SULT2B1: variants seen among roughly 807,000 people sequenced by gnomAD.
SULT2B1 encodes the protein sulfotransferase 2B1.
In SULT2B1, 16 loss-of-function variants were observed where a neutral mutation model predicts 33.2. The observed-to-expected ratio is 0.48, with a 90% CI of 0.33 to 0.73. The LOEUF (loss-of-function observed/expected upper bound fraction) is 0.73. Ranked by LOEUF, SULT2B1 falls within the 30% of genes least tolerant of loss-of-function variation. The pLI is 0.02. For synonymous variants in SULT2B1, 186 were observed against 200.5 expected, an observed-to-expected ratio of 0.93 and a Z score of 0.61; for missense variants, 500 against 506.0, an observed-to-expected ratio of 0.99 and a Z score of 0.11.
intron 1 of SULT2B1, among the ~76,000 whole-genome samples, chr19:48,556,082 G>A (rs577095083): frequency 6.2e-4 from 94 of 152,264 alleles, no homozygotes; most frequent in African/African-American, 2.1e-3. Flanking sequence ...CGCCACTTTC[G>A]GGACTTTGCG....
intron 3 of SULT2B1, 96 bp downstream of exon 3, chr19:48,587,533 A>T: frequency 7.2e-7 from 1 of 1,393,358 alleles, no homozygotes; most frequent in African/African-American, 1.4e-5. Flanking sequence ...TTCAGCACCT[A>T]TTTGTTAAAC....
At chr19:48,562,670 A>G (rs1045357059) in intron 1 of SULT2B1, among the ~76,000 whole-genome samples, 8 of 152,022 alleles carry the variant, frequency 5.3e-5, no homozygotes, top group African/African-American at 1.4e-4. Context: ...CAATATTTAT[A>G]TAGACTTTAT....
chr19:48,553,089 C>T (rs1973050087), intron 1 of SULT2B1, among the ~76,000 whole-genome samples: 2 of 152,080 alleles, frequency 1.3e-5, no homozygotes, highest in Admixed American at 6.6e-5. Context: ...CACCCCTCCC[C>T]GTGGCTCCAT....
At chr19:48,589,582 C>T (rs1378618814) in intron 3 of SULT2B1, among the ~76,000 whole-genome samples, 1 of 152,162 alleles carries the variant, frequency 6.6e-6, no homozygotes, top group African/African-American at 2.4e-5. Context: ...CACCCTCAGG[C>T]TCAACGACTT....
At chr19:48,581,523 T>C (rs957720393) in intron 2 of SULT2B1, among the ~76,000 whole-genome samples, 1 of 138,886 alleles carries the variant, frequency 7.2e-6, no homozygotes, top group Admixed American at 7.9e-5. Flanking sequence ...TAGGCTGGAG[T>C]GCAGTGGCGC....
chr19:48,576,203 GCGGTGCC>G, intron 2 of SULT2B1, 120 bp downstream of exon 2: 1 of 902,032 alleles, frequency 1.1e-6, no homozygotes, highest in Admixed American at 2.6e-5. Context: ...TCTGTTCAGA[GCGGTGCC>G]CCTGCCAGAA....
chr19:48,562,161 C>A (rs888663481), intron 1 of SULT2B1, among the ~76,000 whole-genome samples: 1 of 151,604 alleles, frequency 6.6e-6, no homozygotes, highest in East Asian at 1.9e-4. Context: ...CTGAGGCGGG[C>A]GGATCACCTG....
chr19:48,581,348 A>G (rs1252034930), intron 2 of SULT2B1, among the ~76,000 whole-genome samples: 1 of 147,516 alleles, frequency 6.8e-6, no homozygotes, highest in African/African-American at 2.5e-5. Context: ...CTGGCCATAT[A>G]TTCCTTTTTG....
intron 2 of SULT2B1, among the ~76,000 whole-genome samples, chr19:48,582,911 G>C (rs960532916): frequency 2.0e-5 from 3 of 150,494 alleles, no homozygotes; most frequent in Non-Finnish European, 4.4e-5. Context: ...CCAGCACTTT[G>C]GGAGGCCAAG....
intron 5 of SULT2B1, 102 bp downstream of exon 5, chr19:48,592,918 A>C: frequency 6.2e-6 from 6 of 971,868 alleles, no homozygotes; most frequent in African/African-American, 1.6e-5. Flanking sequence ...CCGCTTCCCC[A>C]TGCAATGCGC....
intron 2 of SULT2B1, among the ~76,000 whole-genome samples, chr19:48,577,191 C>A (rs951878968): frequency 6.6e-6 from 1 of 150,420 alleles, no homozygotes; most frequent in African/African-American, 2.4e-5. Context: ...CGCCACCATG[C>A]GCGGCTACTT....
At chr19:48,568,312 A>AG (rs1474375196) in intron 1 of SULT2B1, among the ~76,000 whole-genome samples, 2 of 151,458 alleles carry the variant, frequency 1.3e-5, no homozygotes, top group Non-Finnish European at 2.9e-5. Context: ...AGTATTAAAA[A>AG]GGGCCGCAAA....
chr19:48,581,884 A>ATT lies in SULT2B1; in HGVS notation c.215-5344_215-5343dup, dbSNP rs201223910. ...TCTTCTCAGAGTATGTTTTATTATT[A>ATT]TTATTATATTATTATTATTATTATT... is the stretch of plus-strand genomic sequence containing the variant. On this transcript the variant is annotated intron_variant, in intron 2 of 6. Coordinates refer to ENST00000201586, the MANE Select transcript of SULT2B1 (RefSeq NM_177973.2). 6.8e-4 allele frequency among the ~76,000 whole-genome samples: 74 copies of ATT among 109,404 alleles called. 1 individual carries two copies. Among genetic ancestry groups the ATT allele is most frequent in the African/African-American group, 1.6e-3 (48 of 30,188 alleles). The allele number at this position is 109,404 out of a possible 152,430, so 71.8% of individuals were successfully genotyped here.
At chr19:48,561,535 G>A (rs1431028287) in intron 1 of SULT2B1, among the ~76,000 whole-genome samples, 1 of 138,642 alleles carries the variant, frequency 7.2e-6, no homozygotes, top group Non-Finnish European at 1.7e-5. Flanking sequence ...GTGTTTGAGA[G>A]AAAGGAGGAG....
chr19:48,595,475 G>C (rs944587427), intron 5 of SULT2B1, among the ~76,000 whole-genome samples: 1 of 152,040 alleles, frequency 6.6e-6, no homozygotes, highest in Non-Finnish European at 1.5e-5. Flanking sequence ...ATCAGAGCTT[G>C]GTACATAGTA....
At chr19:48,568,022 AG>A (rs918459000) in intron 1 of SULT2B1, among the ~76,000 whole-genome samples, 7 of 152,184 alleles carry the variant, frequency 4.6e-5, no homozygotes, top group Admixed American at 3.3e-4. Flanking sequence ...CTGTAATCCC[AG>A]CACTTTGGGA....
chr19:48,562,839 C>G (rs1408681345), intron 1 of SULT2B1, among the ~76,000 whole-genome samples: 1 of 151,904 alleles, frequency 6.6e-6, no homozygotes, highest in Non-Finnish European at 1.5e-5. Flanking sequence ...ACCACCATAC[C>G]CAGCTAATTT....
rs1973045496 is a variant in SULT2B1 at position 48,552,698 on chromosome 19, G to A, written c.71+375G>A. Among the ~76,000 whole-genome samples, 1 of 152,174 alleles carries A rather than the reference G, an allele frequency of 6.6e-6. No homozygotes were observed. ...GAAACACAACAGCCTGTAGTACCCA[G>A]GACACCCCATGCAAGCCCTGAAATA... On this transcript the variant is annotated intron_variant, in intron 1 of 6. Transcript: ENST00000201586. The surrounding 1 kb of genome is among the most constrained non-coding windows in gnomAD (Gnocchi z 4.8).
chr19:48,575,100 C>CTTTTT (rs66515808), intron 1 of SULT2B1, among the ~76,000 whole-genome samples: 3 of 81,430 alleles, frequency 3.7e-5, no homozygotes, highest in African/African-American at 5.2e-5. Context: ...CTGTTTTAAC[C>CTTTTT]TTTTTTTTTT....
Sources: gnomAD v4.1 joint callset for allele counts (sites outside exome capture counted in the v4.1 genomes callset) on GRCh38, gnomAD v4.1.1 for gene constraint, Gnocchi (gnomAD v3.1) non-coding constraint, MANE v1.5 for transcripts, NCBI Gene and HGNC (gene_info 2026-07-23, HGNC 2026-07-21) for gene names.